Variants in TYW1 observed in about 807,000 individuals in gnomAD.
The protein encoded by TYW1 is tRNA-yW synthesizing protein 1 homolog, also known as S-adenosyl-L-methionine-dependent tRNA 4-demethylwyosine synthase TYW1.
In TYW1, 46 loss-of-function variants were observed where a neutral mutation model predicts 96.2. The observed-to-expected ratio is 0.48, with a 90% CI of 0.38 to 0.61. The LOEUF (loss-of-function observed/expected upper bound fraction) is 0.61. TYW1 is among the 20% of genes least tolerant of loss of function. The probability of loss-of-function intolerance (pLI) is 0.00; values close to 1 mark genes in which losing one functional copy is unlikely to be tolerated. For missense variants in TYW1, 684 were observed against 909.6 expected, an observed-to-expected ratio of 0.75 and a Z score of 3.19; for synonymous variants, 274 against 323.0, an observed-to-expected ratio of 0.85 and a Z score of 1.63.
At chr7:67,022,015 A>G (rs549696346) in intron 6 of TYW1, among the ~76,000 whole-genome samples, 1 of 152,210 alleles carries the variant, frequency 6.6e-6, no homozygotes, top group East Asian at 1.9e-4. Flanking sequence ...GGCTCAAGTG[A>G]TCCTCCTATC....
At chr7:67,043,696 A>G (rs1219562331) in intron 7 of TYW1, among the ~76,000 whole-genome samples, 3 of 152,180 alleles carry the variant, frequency 2.0e-5, no homozygotes, top group South Asian at 2.1e-4. Flanking sequence ...CCCTTAAACC[A>G]TCTTGACTCA....
intron 14 of TYW1, among the ~76,000 whole-genome samples, chr7:67,194,356 G>T (rs1392566450): frequency 6.6e-6 from 1 of 151,060 alleles, no homozygotes; most frequent in Non-Finnish European, 1.5e-5. Flanking sequence ...CAGGTGTAGT[G>T]GCTCACACCT....
intron 11 of TYW1, among the ~76,000 whole-genome samples, chr7:67,092,116 C>G (rs1796739721): frequency 6.6e-6 from 1 of 152,148 alleles, no homozygotes; most frequent in Admixed American, 6.5e-5. Context: ...GTTGCTGGAG[C>G]CAAACACTTT....
In TYW1 at chr7:67,009,692, A is replaced by C. The variant is rs1447632057; in HGVS notation, c.375+8A>C. ...GATCATCTGATAGAAGAGGTTGGTA[A>C]TTGTCTTTTTCTTCAGTCAAAACTC... On this transcript the variant is annotated splice_region_variant and intron_variant, in intron 4 of 15. Transcript: ENST00000359626. 6.3e-7 allele frequency: 1 copy of C among 1,584,566 alleles called. No individual in the cohort carries two copies. The highest frequency in any genetic ancestry group is 1.4e-5 in the African/African-American group (1 of 73,600).
rs149230312 is a variant in TYW1, at chr7:67,153,989, G to A, written c.1699-29137G>A. On this transcript the variant is annotated intron_variant, in intron 13 of 15. Transcript: ENST00000359626. ...GTCACCCAGGCTGGAGCGCAGTGGC[G>A]TGACCTTAGCTTACTGCAAGTTCTG... 4.2e-4 allele frequency among the ~76,000 whole-genome samples: 62 copies of A among 149,136 alleles called. No homozygotes were observed. The East Asian group carries it at 0.012, about 29-fold the overall frequency.
chr7:67,099,724 C>T (rs1797029185), intron 12 of TYW1, among the ~76,000 whole-genome samples: 1 of 152,166 alleles, frequency 6.6e-6, no homozygotes, highest in Non-Finnish European at 1.5e-5. Flanking sequence ...GCTGTTAAGC[C>T]AGGCGCGGTG....
chr7:67,195,884 C>T (rs1800379179), intron 15 of TYW1, among the ~76,000 whole-genome samples: 2 of 148,176 alleles, frequency 1.3e-5, no homozygotes, highest in South Asian at 4.3e-4. Context: ...AAGGAAAAAT[C>T]CAGTTCTTGA....
chr7:67,165,538 C>A (rs1430612228), intron 13 of TYW1, among the ~76,000 whole-genome samples: 1 of 151,686 alleles, frequency 6.6e-6, no homozygotes, highest in Non-Finnish European at 1.5e-5. Flanking sequence ...TCTCTATCTT[C>A]CCAGTTTTGG....
chr7:67,064,204 A>G (rs1761874241), intron 9 of TYW1, among the ~76,000 whole-genome samples: 2 of 152,232 alleles, frequency 1.3e-5, no homozygotes, highest in South Asian at 2.1e-4. Flanking sequence ...AAACTTATTC[A>G]AGACTTGAAA....
chr7:67,211,766 C>T (rs73377197), intron 15 of TYW1, among the ~76,000 whole-genome samples: 7 of 151,972 alleles, frequency 4.6e-5, no homozygotes, highest in African/African-American at 1.7e-4. Flanking sequence ...TATATAGCGG[C>T]GTTGGAGTTG....
At chr7:67,106,452 G>GT (rs34448588) in intron 12 of TYW1, among the ~76,000 whole-genome samples, 44,556 of 151,892 alleles carry the variant, frequency 0.29, 7,297 homozygotes, top group African/African-American at 0.44. Context: ...GCTCCACGCT[G>GT]TAATGCTGAC....
chr7:67,234,955 T>TA (rs3070651), intron 15 of TYW1, among the ~76,000 whole-genome samples: 12,156 of 146,566 alleles, frequency 0.083, 802 homozygotes, highest in East Asian at 0.25. Flanking sequence ...GTAGGTATGG[T>TA]AAAAAAAAAA....
At position 67,026,513 on chromosome 7, in the gene TYW1, T is replaced by C. The variant is rs931761870; in HGVS notation, c.984+1491T>C. 2.6e-5 allele frequency among the ~76,000 whole-genome samples: 4 copies of C among 152,194 alleles called. No individual in the cohort carries two copies. The East Asian group carries it at 7.7e-4, about 29-fold the overall frequency. On this transcript the variant is annotated intron_variant, in intron 7 of 15. Transcript: ENST00000359626. ...GTAGAGTGACTCAGAATGGTAAAGATGTCAGTTCTCTTAATATATAAGTTT... is the reference window on the plus strand; with the variant it reads ...GTAGAGTGACTCAGAATGGTAAAGACGTCAGTTCTCTTAATATATAAGTTT...
At chr7:67,150,086 G>A (rs2116160515) in intron 13 of TYW1, among the ~76,000 whole-genome samples, 1 of 151,748 alleles carries the variant, frequency 6.6e-6, no homozygotes, top group African/African-American at 2.4e-5. Context: ...TTCCCAGGTT[G>A]TAGGTCCATT....
chr7:67,100,225 G>T (rs911692091), intron 12 of TYW1, among the ~76,000 whole-genome samples: 1 of 151,988 alleles, frequency 6.6e-6, no homozygotes, highest in East Asian at 1.9e-4. Context: ...TTAAGGGAGG[G>T]CTCTCCTTAT....
Position 67,187,660 on chromosome 7 carries a change from T to G in TYW1, c.1809+4424T>G, listed in dbSNP as rs568773408. Among the ~76,000 whole-genome samples, 236 of 152,376 alleles carry G rather than the reference T, an allele frequency of 1.5e-3. 2 individuals are homozygous for G. The highest frequency in any genetic ancestry group is 5.6e-3 in the African/African-American group (231 of 41,590). ...AAAACAAATTCTAGAATAATATTTA[T>G]TATGCAATTCCATTTTTTAAATTTT... On this transcript the variant is annotated intron_variant, in intron 14 of 15. Transcript: ENST00000359626.
At chr7:67,065,354 CAG>C (rs1233469852) in intron 9 of TYW1, among the ~76,000 whole-genome samples, 1 of 152,190 alleles carries the variant, frequency 6.6e-6, no homozygotes, top group African/African-American at 2.4e-5. Flanking sequence ...CTGAATGGGA[CAG>C]GGGAGCACAG....
At chr7:67,164,834 C>T (rs1799272835) in intron 13 of TYW1, among the ~76,000 whole-genome samples, 1 of 151,946 alleles carries the variant, frequency 6.6e-6, no homozygotes, top group Non-Finnish European at 1.5e-5. Flanking sequence ...CATAAATCAT[C>T]TAGCCATTCC....
In TYW1 at chr7:67,014,413, A is replaced by G; in HGVS notation, c.422A>G (p.Asp141Gly). Residue 141 changes from aspartate to glycine, a missense_variant, in exon 5 of 16, where the codon GAC becomes GGC. Coordinates refer to ENST00000359626, the MANE Select transcript of TYW1 (RefSeq NM_018264.4). Reference protein sequence around the residue: ...VCVFLVATYTDGLPTESAEWF... With the variant: ...VCVFLVATYTGGLPTESAEWF... ...GTCTTCCTGGTTGCGACATACACTG[A>G]CGGCCTACCAACTGAAAGTGCAGAG... The G allele has an allele frequency of 6.2e-7, 1 of 1,613,732 alleles. No individual in the cohort carries two copies. The highest frequency in any genetic ancestry group is 8.5e-7 in the Non-Finnish European group (1 of 1,179,808).
Sources: gnomAD v4.1 joint callset for allele counts (sites outside exome capture counted in the v4.1 genomes callset) on GRCh38, gnomAD v4.1.1 for gene constraint, MANE v1.5 for transcripts, NCBI Gene and HGNC (gene_info 2026-07-23, HGNC 2026-07-21) for gene names.